The following SSBP2 variants were observed in gnomAD, a reference collection of about 807,000 sequenced individuals.
The protein encoded by SSBP2 is single-stranded DNA-binding protein 2.
In SSBP2, 17 loss-of-function variants were observed where a neutral mutation model predicts 61.8. The observed-to-expected ratio is 0.28, with a 90% CI of 0.19 to 0.41. SSBP2 has a LOEUF of 0.41. SSBP2 is among the 10% of genes least tolerant of loss of function. The pLI is 1.00. For synonymous variants in SSBP2, 139 were observed against 141.3 expected (o/e 0.98, Z 0.12); for missense variants, 310 against 458.7 (o/e 0.68, Z 2.96).
chr5:81,489,119 A>T, intron 6 of SSBP2, 131 bp downstream of exon 6: 1 of 823,594 alleles, frequency 1.2e-6, no homozygotes, highest in Admixed American at 2.8e-5. Context: ...CCAACCCTTG[A>T]AGCAGACTAG....
chr5:81,639,017 A>T (rs1436742253), intron 2 of SSBP2, among the ~76,000 whole-genome samples: 2 of 152,062 alleles, frequency 1.3e-5, no homozygotes, highest in African/African-American at 4.8e-5. Context: ...CTTTTATTGA[A>T]TCAGAAGGTA....
rs970182498 is a variant in SSBP2, at chr5:81,418,306, G to A, written c.*2198C>T. On this transcript the variant is annotated 3_prime_UTR_variant, in exon 17 of 17. Coordinates refer to ENST00000320672, the MANE Select transcript of SSBP2 (RefSeq NM_012446.5). ...GCTTGACAGCATGAGGCTGTTCTCC[G>A]GTGTGCACTCCTAGGCACCTGAATA... 6 of 152,196 alleles carry A rather than the reference G, an allele frequency of 3.9e-5. No homozygotes were observed. Among genetic ancestry groups the A allele is most frequent in the African/African-American group, 1.2e-4 (5 of 41,448 alleles). The allele number at this position is 152,196 out of a possible 1,614,324, so 9.4% of individuals were successfully genotyped here. A position where few individuals can be genotyped will look rare whatever the true frequency, so the allele number is the denominator to read the frequency against.
At chr5:81,632,892 A>C (rs2153662790) in intron 3 of SSBP2, among the ~76,000 whole-genome samples, 1 of 152,252 alleles carries the variant, frequency 6.6e-6, no homozygotes, top group South Asian at 2.1e-4. Flanking sequence ...TGAATCTGAA[A>C]CATTCTTGTT....
chr5:81,546,100 T>C (rs1771712281), intron 4 of SSBP2, among the ~76,000 whole-genome samples: 2 of 152,218 alleles, frequency 1.3e-5, no homozygotes, highest in Admixed American at 6.5e-5. Flanking sequence ...CTATCATTTA[T>C]TAATCACCTA....
intron 4 of SSBP2, among the ~76,000 whole-genome samples, chr5:81,610,694 C>T (rs898360034): frequency 1.7e-4 from 26 of 152,122 alleles, no homozygotes; most frequent in African/African-American, 6.3e-4. Context: ...TTCATGAAGT[C>T]TGAAAATAGA....
intron 4 of SSBP2, among the ~76,000 whole-genome samples, chr5:81,574,710 C>A (rs1414883087): frequency 6.6e-6 from 1 of 151,604 alleles, no homozygotes; most frequent in East Asian, 1.9e-4. Flanking sequence ...ATAAAACAAA[C>A]AAAACTGCAT....
At chr5:81,718,364 G>GA (rs1402138379) in intron 1 of SSBP2, among the ~76,000 whole-genome samples, 1 of 151,958 alleles carries the variant, frequency 6.6e-6, no homozygotes, top group African/African-American at 2.4e-5. Context: ...CGAATGCTGA[G>GA]AAAAAATAGC....
intron 4 of SSBP2, among the ~76,000 whole-genome samples, chr5:81,584,534 C>T (rs1774921383): frequency 6.6e-6 from 1 of 152,080 alleles, no homozygotes; most frequent in East Asian, 1.9e-4. Flanking sequence ...ATAAAAGTTG[C>T]TCTCCAAGTT....
chr5:81,493,669 T>G (rs543777122), intron 5 of SSBP2, among the ~76,000 whole-genome samples: 2 of 152,016 alleles, frequency 1.3e-5, no homozygotes, highest in Non-Finnish European at 2.9e-5. Flanking sequence ...GGCAGGAGAA[T>G]TGCTTGAACC....
intron 4 of SSBP2, among the ~76,000 whole-genome samples, chr5:81,531,363 A>T (rs1445101596): frequency 3.3e-5 from 5 of 152,176 alleles, no homozygotes; most frequent in Non-Finnish European, 7.4e-5. Context: ...AAAAAAATTA[A>T]TTGTGGGCTT....
At chr5:81,572,211 A>C (rs990534294) in intron 4 of SSBP2, among the ~76,000 whole-genome samples, 4 of 152,214 alleles carry the variant, frequency 2.6e-5, no homozygotes, top group African/African-American at 9.6e-5. Flanking sequence ...AATTAATCTG[A>C]AAATAAATCT....
intron 1 of SSBP2, among the ~76,000 whole-genome samples, chr5:81,666,310 T>C (rs75037606): frequency 1.2e-4 from 19 of 152,306 alleles, no homozygotes; most frequent in African/African-American, 4.1e-4. Flanking sequence ...GCATTAGTAA[T>C]GTTCTAGAAC....
intron 10 of SSBP2, among the ~76,000 whole-genome samples, chr5:81,460,693 T>G (rs996603122): frequency 6.6e-6 from 1 of 152,166 alleles, no homozygotes; most frequent in African/African-American, 2.4e-5. Flanking sequence ...ACAGGTTGAT[T>G]GTATTTGGCA....
intron 3 of SSBP2, among the ~76,000 whole-genome samples, chr5:81,625,586 G>C (rs80015685): frequency 0.023 from 3,519 of 152,186 alleles, 54 homozygotes; most frequent in Non-Finnish European, 0.036. Context: ...ACAAAGTATT[G>C]AAGTCTTTGA....
rs1763490486 is a variant in SSBP2, at chr5:81,447,653, C to T, written c.724-731G>A. Among the ~76,000 whole-genome samples, 4 of 152,272 alleles carry T rather than the reference C, an allele frequency of 2.6e-5. No individual in the cohort carries two copies. The South Asian group carries it at 8.3e-4, about 32-fold the overall frequency. ...TAACTTCATTCTGAATGTACAGATACAGCCTGCCAATTATTTCAGACGAGA... is the reference window on the plus strand; with the variant it reads ...TAACTTCATTCTGAATGTACAGATATAGCCTGCCAATTATTTCAGACGAGA... On this transcript the variant is annotated intron_variant, in intron 11 of 16. Transcript: ENST00000320672.
chr5:81,489,238 C>G lies in SSBP2; in HGVS notation c.432+12G>C. 6.2e-7 allele frequency: 1 copy of G among 1,605,398 alleles called. No homozygotes were observed. Among genetic ancestry groups the G allele is most frequent in the Non-Finnish European group, 8.5e-7 (1 of 1,175,738 alleles). ...ATTCTTACAAAAAACTTACATAGCA[C>G]ATAAATCTTACCTGATTAGGTATCC... is the stretch of plus-strand genomic sequence containing the variant. On this transcript the variant is annotated intron_variant, in intron 6 of 16. Transcript: ENST00000320672.
intron 4 of SSBP2, among the ~76,000 whole-genome samples, chr5:81,515,704 G>A (rs1055454969): frequency 2.6e-5 from 4 of 151,302 alleles, no homozygotes; most frequent in Non-Finnish European, 4.4e-5. Flanking sequence ...TTTTTTAGCA[G>A]GCTACATTGT....
At chr5:81,491,661 A>C (rs979585165) in intron 5 of SSBP2, among the ~76,000 whole-genome samples, 1 of 152,060 alleles carries the variant, frequency 6.6e-6, no homozygotes, top group Non-Finnish European at 1.5e-5. Context: ...TAGTCAATTT[A>C]TTACTCTTAT....
At chr5:81,486,818 T>C (rs918661739) in intron 6 of SSBP2, among the ~76,000 whole-genome samples, 1 of 152,174 alleles carries the variant, frequency 6.6e-6, no homozygotes, top group Non-Finnish European at 1.5e-5. Flanking sequence ...AGAAAAATGC[T>C]CCAGCTGCTA....
Sources: gnomAD v4.1 joint callset for allele counts (sites outside exome capture counted in the v4.1 genomes callset) on GRCh38, gnomAD v4.1.1 for gene constraint, MANE v1.5 for transcripts, NCBI Gene and HGNC (gene_info 2026-07-23, HGNC 2026-07-21) for gene names.